The following MCPH1 variants were observed in gnomAD, a reference collection of about 807,000 sequenced individuals.
The protein encoded by MCPH1 is microcephalin.
In MCPH1, 104 loss-of-function variants were observed where a neutral mutation model predicts 84.5. The observed-to-expected ratio is 1.23, with a 90% CI of 1.05 to 1.45. The LOEUF is 1.45. Ranked by LOEUF, MCPH1 falls within the 40% of genes most tolerant of loss-of-function variation. The pLI, the probability that MCPH1 is intolerant of heterozygous loss-of-function variation, is 0.00. For synonymous variants in MCPH1, 514 were observed against 366.8 expected, an observed-to-expected ratio of 1.40 and a Z score of -4.58; for missense variants, 1,498 against 1,005.7, an observed-to-expected ratio of 1.49 and a Z score of -6.62.
chr8:6,584,231 G>A (rs1413330036), intron 12 of MCPH1, among the ~76,000 whole-genome samples: 1 of 152,186 alleles, frequency 6.6e-6, no homozygotes, highest in African/African-American at 2.4e-5. Flanking sequence ...TAGCAGCTCA[G>A]GGAGGAAGGA....
chr8:6,407,118 G>C (rs1797842980), intron 1 of MCPH1: 1 of 272,740 alleles, frequency 3.7e-6, no homozygotes, highest in Non-Finnish European at 7.2e-6. Flanking sequence ...CCTGGATCTG[G>C]GGCTCACTGG....
intron 10 of MCPH1, among the ~76,000 whole-genome samples, chr8:6,479,881 G>C (rs1281669106): frequency 6.6e-6 from 1 of 152,132 alleles, no homozygotes; most frequent in Non-Finnish European, 1.5e-5. Flanking sequence ...CATGAGCTTT[G>C]TGACAAATAG....
At chr8:6,472,648 A>G (rs1440230311) in intron 9 of MCPH1, among the ~76,000 whole-genome samples, 2 of 151,896 alleles carry the variant, frequency 1.3e-5, no homozygotes, top group African/African-American at 4.8e-5. Context: ...TGTATTTTTT[A>G]GTAGAGATGG....
At chr8:6,612,232 G>A (rs972744104) in intron 12 of MCPH1, among the ~76,000 whole-genome samples, 3 of 152,120 alleles carry the variant, frequency 2.0e-5, no homozygotes, top group East Asian at 3.9e-4. Context: ...TTATAGCACA[G>A]TGTCACCCCC....
At chr8:6,540,173 T>C (rs2129573606) in intron 12 of MCPH1, among the ~76,000 whole-genome samples, 1 of 152,312 alleles carries the variant, frequency 6.6e-6, no homozygotes, top group Middle Eastern at 3.4e-3. Flanking sequence ...TGCATATTCT[T>C]TGCATTAATT....
At chr8:6,420,961 C>T (rs1303201936) in intron 3 of MCPH1, among the ~76,000 whole-genome samples, 1 of 152,164 alleles carries the variant, frequency 6.6e-6, no homozygotes, top group African/African-American at 2.4e-5. Flanking sequence ...AAGGAAAGTA[C>T]ACTGGGAAGA....
In MCPH1 at chr8:6,625,875, G is replaced by C. The variant is rs192202484; in HGVS notation, c.2452+4184G>C. 3.5e-4 allele frequency: 346 copies of C among 985,370 alleles called. 1 individual carries two copies. Among genetic ancestry groups the C allele is most frequent in the African/African-American group, 3.4e-3 (193 of 57,330 alleles). The allele number at this position is 985,370 out of a possible 1,614,324, so 61.0% of individuals were successfully genotyped here. A position where few individuals can be genotyped will look rare whatever the true frequency, so the allele number is the denominator to read the frequency against. ...TTTTGCAGATGTCGTAAACTCACAG[G>C]GGGTGGAGAACCAGGAGTTTTTTAG... On this transcript the variant is annotated intron_variant, in intron 13 of 13. Coordinates refer to ENST00000344683, the MANE Select transcript of MCPH1 (RefSeq NM_024596.5).
intron 6 of MCPH1, 88 bp downstream of exon 6, chr8:6,439,184 TA>T: frequency 7.5e-7 from 1 of 1,334,478 alleles, no homozygotes; most frequent in South Asian, 1.3e-5. Context: ...CTAGATATTT[TA>T]ATGTTTCCTG....
At chr8:6,536,096 A>G (rs1820439751) in intron 12 of MCPH1, among the ~76,000 whole-genome samples, 1 of 152,122 alleles carries the variant, frequency 6.6e-6, no homozygotes, top group South Asian at 2.1e-4. Flanking sequence ...AAAAATACTT[A>G]TGTTCTTACT....
At chr8:6,428,745 GCACACA>G (rs59969242) in intron 3 of MCPH1, among the ~76,000 whole-genome samples, 15,072 of 149,522 alleles carry the variant, frequency 0.1, 924 homozygotes, top group Middle Eastern at 0.24. Context: ...ACGTGCGCAC[GCACACA>G]CACACACACA....
chr8:6,418,168 G>A (rs1799592743), intron 3 of MCPH1, among the ~76,000 whole-genome samples: 1 of 152,036 alleles, frequency 6.6e-6, no homozygotes, highest in African/African-American at 2.4e-5. Context: ...AGTAGCCCTA[G>A]CTGCCCAGTC....
At chr8:6,479,702 GGA>G (rs920561332) in intron 10 of MCPH1, among the ~76,000 whole-genome samples, 1 of 151,962 alleles carries the variant, frequency 6.6e-6, no homozygotes, top group Non-Finnish European at 1.5e-5. Context: ...AAATTTTCTG[GGA>G]GAGAGAGAAA....
chr8:6,635,420 C>T (rs995783361), intron 13 of MCPH1: 2 of 151,870 alleles, frequency 1.3e-5, no homozygotes, highest in African/African-American at 4.8e-5. Flanking sequence ...AGAAAGAATC[C>T]TAAGACAAAA....
Position 6,406,631 on chromosome 8 carries a change from A to C in MCPH1, c.-37A>C. On this transcript the variant is annotated 5_prime_UTR_variant, in exon 1 of 14. Coordinates refer to ENST00000344683, the MANE Select transcript of MCPH1 (RefSeq NM_024596.5). ...CGCGCGCGCCGCCAGGCTCGCAAGC[A>C]CCGCGTAGGCCAGCTGGCCGGATCC... The C allele has an allele frequency of 1.2e-6, 2 of 1,608,986 alleles. No individual in the cohort carries two copies. The highest frequency in any genetic ancestry group is 1.7e-6 in the Non-Finnish European group (2 of 1,178,406).
intron 12 of MCPH1, among the ~76,000 whole-genome samples, chr8:6,567,706 G>A (rs1383650796): frequency 1.3e-5 from 2 of 152,140 alleles, no homozygotes; most frequent in African/African-American, 2.4e-5. Flanking sequence ...TGGGTGTCCA[G>A]TAACACCACC....
chr8:6,423,414 C>G (rs1429739257), intron 3 of MCPH1, among the ~76,000 whole-genome samples: 1 of 152,054 alleles, frequency 6.6e-6, no homozygotes, highest in Non-Finnish European at 1.5e-5. Flanking sequence ...ATCCGCCCGC[C>G]TCGGCCTCCC....
intron 12 of MCPH1, among the ~76,000 whole-genome samples, chr8:6,525,318 C>G (rs1183944397): frequency 1.3e-5 from 2 of 152,154 alleles, no homozygotes; most frequent in Non-Finnish European, 2.9e-5. Flanking sequence ...TGGTATCAAA[C>G]TCCTAGGTTC....
At chr8:6,614,177 C>G (rs970154413) in intron 12 of MCPH1, among the ~76,000 whole-genome samples, 1 of 152,150 alleles carries the variant, frequency 6.6e-6, no homozygotes, top group African/African-American at 2.4e-5. Context: ...CTGGGTCTGA[C>G]TTCACCTCTT....
intron 12 of MCPH1, among the ~76,000 whole-genome samples, chr8:6,610,352 T>C (rs559963011): frequency 4.7e-4 from 71 of 152,354 alleles, no homozygotes; most frequent in Non-Finnish European, 8.1e-4. Flanking sequence ...AACTTTTACT[T>C]AACCTAATCA....
Sources: allele counts gnomAD v4.1 joint callset (sites outside exome capture counted in the v4.1 genomes callset), GRCh38; gene constraint gnomAD v4.1.1; transcripts MANE v1.5; gene names NCBI Gene and HGNC (gene_info 2026-07-23, HGNC 2026-07-21).